SH3KBP1: variants seen among roughly 807,000 people sequenced by gnomAD.
SH3KBP1 encodes SH3 domain-containing kinase-binding protein 1.
Under a neutral mutation model 50.1 loss-of-function variants are expected in SH3KBP1, and 8 were observed. That is an observed-to-expected ratio of 0.16 (90% CI 0.09 to 0.29). SH3KBP1 has a LOEUF of 0.29. SH3KBP1 is among the 10% of genes least tolerant of loss of function. SH3KBP1 has a pLI of 1.00. For synonymous variants in SH3KBP1, 227 were observed against 218.6 expected (o/e 1.04, Z -0.34); for missense variants, 377 against 535.2 (o/e 0.70, Z 2.92).
At chrX:19,668,727 G>A (rs1267641469) in intron 6 of SH3KBP1, among the ~76,000 whole-genome samples, 32 of 94,786 alleles carry the variant, frequency 3.4e-4, no homozygotes, top group East Asian at 1.4e-3. Context: ...GTGGGCGCCT[G>A]TAGTCCCAGC....
At chrX:19,767,187 C>T in intron 2 of SH3KBP1, among the ~76,000 whole-genome samples, 1 of 112,065 alleles carries the variant, frequency 8.9e-6, no homozygotes, top group Non-Finnish European at 1.9e-5. Flanking sequence ...CTGGTAAGAA[C>T]AGAAGCTAAG....
chrX:19,814,165 C>A (rs1323430073), intron 2 of SH3KBP1, among the ~76,000 whole-genome samples: 1 of 110,738 alleles, frequency 9.0e-6, no homozygotes, highest in African/African-American at 3.3e-5. Flanking sequence ...TCCTGCCACA[C>A]CCCCAGTCTT....
At chrX:19,707,535 A>G (rs930923371) in intron 3 of SH3KBP1, among the ~76,000 whole-genome samples, 23 of 110,754 alleles carry the variant, frequency 2.1e-4, no homozygotes, top group Admixed American at 5.7e-4. Context: ...CATTTCAAAC[A>G]CCCCCACAGG....
At chrX:19,799,928 G>T (rs1036872031) in intron 2 of SH3KBP1, 4 of 348,215 alleles carry the variant, frequency 1.1e-5, no homozygotes, top group Non-Finnish European at 1.5e-5. Context: ...TCTGGCACTT[G>T]AGAGTGTGGA....
chrX:19,567,775 A>G (rs774278231), intron 13 of SH3KBP1, among the ~76,000 whole-genome samples: 4 of 108,044 alleles, frequency 3.7e-5, no homozygotes, highest in South Asian at 7.9e-4. Context: ...AATGACTTCA[A>G]AATAAAAAGT....
intron 1 of SH3KBP1, among the ~76,000 whole-genome samples, chrX:19,886,538 T>C (rs1376312127): frequency 9.2e-6 from 1 of 108,765 alleles, no homozygotes; most frequent in African/African-American, 3.4e-5. Context: ...ACCCAGGGGG[T>C]TCAAAGGTTA....
At position 19,683,500 on chromosome X, in the gene SH3KBP1, G is replaced by A. The variant is rs143909426; in HGVS notation, c.726+323C>T. The A allele has an allele frequency of 6.8e-3, 2,278 of 334,183 alleles. 21 individuals carry two copies. Among genetic ancestry groups the A allele is most frequent in the African/African-American group, 0.029 (1,122 of 38,544 alleles). 27.5% of individuals were successfully genotyped at this position (334,183 alleles called of 1,213,427 possible). ...TTGGCCAGTGTCTGAAAAGTGTCAGGGTCATGCACTTAGGCGGGTCCAGGA... is the reference window on the plus strand; with the variant it reads ...TTGGCCAGTGTCTGAAAAGTGTCAGAGTCATGCACTTAGGCGGGTCCAGGA... On this transcript the variant is annotated intron_variant, in intron 6 of 17. Transcript: ENST00000397821.
At chrX:19,791,535 TG>T (rs1333719388) in intron 2 of SH3KBP1, among the ~76,000 whole-genome samples, 1 of 71,886 alleles carries the variant, frequency 1.4e-5, no homozygotes, top group Non-Finnish European at 2.5e-5. Context: ...TCCTAGAGAA[TG>T]AAAAAAAAAA....
At chrX:19,884,641 G>T (rs1373654443) in intron 1 of SH3KBP1, among the ~76,000 whole-genome samples, 1 of 112,462 alleles carries the variant, frequency 8.9e-6, no homozygotes, top group Non-Finnish European at 1.9e-5. Flanking sequence ...GCAGTCTACC[G>T]CCAATACAAT....
chrX:19,590,809 A>ATTTTT (rs34366083), intron 11 of SH3KBP1, among the ~76,000 whole-genome samples: 10 of 23,760 alleles, frequency 4.2e-4, no homozygotes, highest in Non-Finnish European at 6.7e-4. Context: ...AGGCCTGGCT[A>ATTTTT]TTTTTTTTTT....
chrX:19,679,450 CTTCATCGAGGTCAAT>C (rs970712898), intron 6 of SH3KBP1, among the ~76,000 whole-genome samples: 4 of 112,088 alleles, frequency 3.6e-5, no homozygotes, highest in African/African-American at 1.3e-4. Context: ...CTGAGGCCAA[CTTCATCGAGGTCAAT>C]CAGCTAGGAT....
chrX:19,826,397 T>C (rs1196408300), intron 2 of SH3KBP1, among the ~76,000 whole-genome samples: 2 of 110,642 alleles, frequency 1.8e-5, no homozygotes, highest in Admixed American at 9.7e-5. Flanking sequence ...AATACATACC[T>C]GGACAGGGCA....
At chrX:19,827,310 TCA>T (rs780113432) in intron 2 of SH3KBP1, among the ~76,000 whole-genome samples, 14 of 111,816 alleles carry the variant, frequency 1.3e-4, no homozygotes, top group Non-Finnish European at 2.4e-4. Flanking sequence ...GCTTACTTCC[TCA>T]CAGACAGAGT....
chrX:19,534,160 C>T lies in SH3KBP1; in HGVS notation c.*2257G>A, dbSNP rs755872360. 4.6e-5 allele frequency: 5 copies of T among 108,807 alleles called. No homozygotes were observed. Among genetic ancestry groups the T allele is most frequent in the African/African-American group, 1.7e-4 (5 of 29,898 alleles). The allele number at this position is 108,807 out of a possible 1,213,427, so 9.0% of individuals were successfully genotyped here. Reference sequence around the variant, plus strand: ...ATACTTCCAAGCTTTTCAACATTCTCGATGGGTCCATTTTGTAAAGAGTAA... The same window carrying T: ...ATACTTCCAAGCTTTTCAACATTCTTGATGGGTCCATTTTGTAAAGAGTAA... On this transcript the variant is annotated 3_prime_UTR_variant, in exon 18 of 18. Coordinates refer to ENST00000397821, the MANE Select transcript of SH3KBP1 (RefSeq NM_031892.3).
chrX:19,567,543 A>ATATATAT (rs2065882359), intron 13 of SH3KBP1, among the ~76,000 whole-genome samples: 1 of 71,181 alleles, frequency 1.4e-5, no homozygotes, highest in African/African-American at 7.0e-5. Flanking sequence ...AAAAAAAAAA[A>ATATATAT]AAAAAAAAAA....
intron 2 of SH3KBP1, among the ~76,000 whole-genome samples, chrX:19,798,634 C>T (rs185621336): frequency 1.1e-4 from 12 of 111,853 alleles, no homozygotes; most frequent in Admixed American, 7.6e-4. Context: ...GGTCACCTGG[C>T]CATGACTAAA....
chrX:19,643,148 TC>T (rs919071255), intron 7 of SH3KBP1, among the ~76,000 whole-genome samples: 2 of 108,877 alleles, frequency 1.8e-5, no homozygotes, highest in African/African-American at 6.7e-5. Flanking sequence ...CGTATCAAAA[TC>T]CCGAAGCAGG....
At chrX:19,543,960 A>G (rs1216206890) in intron 15 of SH3KBP1, among the ~76,000 whole-genome samples, 1 of 111,182 alleles carries the variant, frequency 9.0e-6, no homozygotes, top group Admixed American at 9.5e-5. Flanking sequence ...GATGAGCAGC[A>G]GGGCAGAAGT....
At chrX:19,684,153 G>T in intron 5 of SH3KBP1, 125 bp from the exon 6 acceptor site, 1 of 507,605 alleles carries the variant, frequency 2.0e-6, no homozygotes, top group South Asian at 3.0e-5. Context: ...CTTGCACTAG[G>T]CTTTTGTATT....
Sources: gnomAD v4.1 joint callset for allele counts (sites outside exome capture counted in the v4.1 genomes callset) on GRCh38, gnomAD v4.1.1 for gene constraint, MANE v1.5 for transcripts, NCBI Gene and HGNC (gene_info 2026-07-23, HGNC 2026-07-21) for gene names.